The following ANO6 variants were observed in gnomAD, a reference collection of about 807,000 sequenced individuals.
The protein encoded by ANO6 is anoctamin 6.
Under a neutral mutation model 117.5 loss-of-function variants are expected in ANO6, and 106 were observed. The ratio of observed to expected loss-of-function variants is 0.90; its 90% confidence interval spans 0.77 to 1.06. The LOEUF is 1.06. Ranked by LOEUF, ANO6 falls within the 50% of genes least tolerant of loss-of-function variation. The pLI is 0.00. For synonymous variants in ANO6, 367 were observed against 385.1 expected (o/e 0.95, Z 0.55); for missense variants, 955 against 1,121.1 (o/e 0.85, Z 2.12).
rs763489183 is a variant in ANO6, at chr12:45,429,215, T to C, written c.2637T>C (p.His879=). The C allele has an allele frequency of 1.9e-6, 3 of 1,613,936 alleles. No individual in the cohort carries two copies. In the South Asian group the frequency reaches 3.3e-5, roughly 18 times the overall value. ...AATACCTAACCCAAAAGCTTCTTCA[T>C]GAGAATCACCTCAAAGATATGACGA... ...REKYLTQKLL[H]ENHLKDMTKN... is the part of the protein sequence containing the mutation. The change falls in exon 20 of 20, where the codon CAT becomes CAC. Residue 879 remains histidine (H), a synonymous_variant. Transcript: ENST00000320560.
At position 45,348,640 on chromosome 12, in the gene ANO6, A is replaced by G. The variant is rs1419631800; in HGVS notation, c.747+9A>G. 2 of 1,605,346 alleles carry G rather than the reference A, an allele frequency of 1.2e-6. No homozygotes were observed. Among genetic ancestry groups the G allele is most frequent in the Non-Finnish European group, 1.7e-6 (2 of 1,172,198 alleles). On this transcript the variant is annotated intron_variant, in intron 6 of 19. Transcript: ENST00000320560. ...CTTTCCCACTCCATGATGTAAGTTA[A>G]AAGGCAAAAATGAACTAAAAGGCCT...
chr12:45,301,016 A>G (rs1939465852), intron 1 of ANO6, among the ~76,000 whole-genome samples: 1 of 152,184 alleles, frequency 6.6e-6, no homozygotes, highest in Non-Finnish European at 1.5e-5. Flanking sequence ...GCACTTGTCC[A>G]ATATGGTAGC....
intron 17 of ANO6, among the ~76,000 whole-genome samples, chr12:45,418,592 C>A (rs1439848317): frequency 6.6e-6 from 1 of 152,092 alleles, no homozygotes; most frequent in Non-Finnish European, 1.5e-5. Context: ...TTCAACTAAC[C>A]AGAAAATTCA....
chr12:45,247,262 A>T (rs1359925703), intron 1 of ANO6, among the ~76,000 whole-genome samples: 2 of 152,188 alleles, frequency 1.3e-5, no homozygotes, highest in Non-Finnish European at 2.9e-5. Context: ...TCATCACTTC[A>T]GAATTTATTG....
intron 3 of ANO6, among the ~76,000 whole-genome samples, chr12:45,334,989 A>G (rs932596996): frequency 6.6e-6 from 1 of 151,984 alleles, no homozygotes; most frequent in African/African-American, 2.4e-5. Flanking sequence ...AATTCAGATG[A>G]GGGTGAAGAT....
chr12:45,244,650 C>G (rs759215684), intron 1 of ANO6, among the ~76,000 whole-genome samples: 1 of 152,002 alleles, frequency 6.6e-6, no homozygotes, highest in Non-Finnish European at 1.5e-5. Context: ...TGCATGGTGC[C>G]GTAGAAATCC....
At chr12:45,260,374 A>G (rs1202168592) in intron 1 of ANO6, among the ~76,000 whole-genome samples, 1 of 152,216 alleles carries the variant, frequency 6.6e-6, no homozygotes, top group Non-Finnish European at 1.5e-5. Context: ...TGCTCTTTTG[A>G]AGGGAGGGAT....
chr12:45,413,406 C>G (rs765656137), intron 16 of ANO6, among the ~76,000 whole-genome samples: 1 of 152,226 alleles, frequency 6.6e-6, no homozygotes, highest in African/African-American at 2.4e-5. Context: ...AGGAGCTGTT[C>G]TCTAGGAAAT....
intron 1 of ANO6, among the ~76,000 whole-genome samples, chr12:45,223,822 G>C (rs759399613): frequency 1.3e-5 from 2 of 152,146 alleles, no homozygotes; most frequent in Admixed American, 6.5e-5. Flanking sequence ...CTGGTACCTT[G>C]TGTGTTTTGT....
At chr12:45,398,284 C>T (rs879566880) in intron 12 of ANO6, among the ~76,000 whole-genome samples, 4 of 152,052 alleles carry the variant, frequency 2.6e-5, no homozygotes, top group Non-Finnish European at 4.4e-5. Flanking sequence ...GACCAATAAC[C>T]ATTACAAAAT....
intron 19 of ANO6, among the ~76,000 whole-genome samples, chr12:45,427,778 G>A (rs1943538236): frequency 6.6e-6 from 1 of 150,842 alleles, no homozygotes; most frequent in African/African-American, 2.4e-5. Context: ...GGGCAACATG[G>A]CAAAACCCAA....
chr12:45,439,667 TGAG>T, intron 19 of ANO6: 1 of 1,229,166 alleles, frequency 8.1e-7, no homozygotes. Context: ...TTTTTTTTTT[TGAG>T]ACAGTATCTC....
chr12:45,342,415 C>T (rs1941004820), intron 3 of ANO6, among the ~76,000 whole-genome samples: 1 of 152,178 alleles, frequency 6.6e-6, no homozygotes, highest in South Asian at 2.1e-4. Context: ...AAGCCTCATT[C>T]CTTTTGTCAT....
chr12:45,292,994 G>A, intron 1 of ANO6: 3 of 1,543,590 alleles, frequency 1.9e-6, no homozygotes, highest in Non-Finnish European at 2.6e-6. Context: ...CAGAGTGCCG[G>A]GGAGGCTCCT....
chr12:45,227,823 T>G (rs946613502), intron 1 of ANO6, among the ~76,000 whole-genome samples: 12 of 152,358 alleles, frequency 7.9e-5, no homozygotes, highest in African/African-American at 2.9e-4. Context: ...ACAGTGGCTG[T>G]GCTGCAGACA....
intron 15 of ANO6, among the ~76,000 whole-genome samples, chr12:45,407,509 G>A (rs1942973369): frequency 1.3e-5 from 1 of 77,480 alleles, no homozygotes; most frequent in South Asian, 5.3e-4. Context: ...CGGAATGACT[G>A]CAAAACTGCA....
chr12:45,430,724 T>C lies in ANO6; in HGVS notation c.*1413T>C, dbSNP rs1943611880. 1.0e-6 allele frequency: 1 copy of C among 985,312 alleles called. No individual in the cohort carries two copies. The highest frequency in any genetic ancestry group is 1.2e-6 in the Non-Finnish European group (1 of 829,958). 61.0% of individuals were successfully genotyped at this position (985,312 alleles called of 1,614,324 possible). ...CTGCACTCCTGTCTTGCCATGCACG[T>C]CTTGCCCCCTCACTTTTGCTCAGCC... On this transcript the variant is annotated 3_prime_UTR_variant, in exon 20 of 20. Transcript: ENST00000320560.
intron 2 of ANO6, among the ~76,000 whole-genome samples, chr12:45,309,361 C>G (rs1718346212): frequency 6.6e-6 from 1 of 152,030 alleles, no homozygotes; most frequent in South Asian, 2.1e-4. Flanking sequence ...GGGTTGTATT[C>G]TATTCACATG....
At chr12:45,277,890 A>G (rs1938603120) in intron 1 of ANO6, among the ~76,000 whole-genome samples, 1 of 152,116 alleles carries the variant, frequency 6.6e-6, no homozygotes, top group African/African-American at 2.4e-5. Flanking sequence ...AGTATGGTGG[A>G]AACTCAGGAG....
Sources: gnomAD v4.1 joint callset for allele counts (sites outside exome capture counted in the v4.1 genomes callset) on GRCh38, gnomAD v4.1.1 for gene constraint, MANE v1.5 for transcripts, NCBI Gene and HGNC (gene_info 2026-07-23, HGNC 2026-07-21) for gene names.